Variants in CNTNAP2 observed in about 807,000 individuals in gnomAD.
CNTNAP2 encodes contactin-associated protein-like 2.
CNTNAP2 carries 98 observed loss-of-function variants against 155.2 expected under a neutral mutation model. That is an observed-to-expected ratio of 0.63 (90% CI 0.54 to 0.75). The LOEUF (loss-of-function observed/expected upper bound fraction) is 0.75. CNTNAP2 is among the 30% of genes least tolerant of loss of function. CNTNAP2 has a pLI of 0.00. For missense variants in CNTNAP2, 1,727 were observed against 1,688.1 expected (o/e 1.02, Z -0.40); for synonymous variants, 651 against 631.2 (o/e 1.03, Z -0.47).
chr7:147,125,240 C>T (rs758355480), intron 6 of CNTNAP2, among the ~76,000 whole-genome samples: 1 of 152,070 alleles, frequency 6.6e-6, no homozygotes, highest in South Asian at 2.1e-4. Flanking sequence ...TGGTCTCGAT[C>T]TCTTGGCCTC....
At chr7:146,312,620 T>C (rs1382155226) in intron 1 of CNTNAP2, among the ~76,000 whole-genome samples, 1 of 152,142 alleles carries the variant, frequency 6.6e-6, no homozygotes, top group Non-Finnish European at 1.5e-5. Context: ...AAATATACAT[T>C]ATTATTATCT....
chr7:147,388,466 A>G (rs970391577), intron 9 of CNTNAP2, among the ~76,000 whole-genome samples: 21 of 152,226 alleles, frequency 1.4e-4, no homozygotes, highest in Non-Finnish European at 3.1e-4. Context: ...TATATTGACC[A>G]AATATACAAT....
At chr7:147,932,476 A>G (rs1212901059) in intron 14 of CNTNAP2, among the ~76,000 whole-genome samples, 2 of 152,230 alleles carry the variant, frequency 1.3e-5, no homozygotes, top group Non-Finnish European at 2.9e-5. Context: ...GATTTCTTCA[A>G]TAAATAGTGT....
intron 3 of CNTNAP2, among the ~76,000 whole-genome samples, chr7:146,886,172 GT>G (rs1200931523): frequency 6.7e-6 from 1 of 148,918 alleles, no homozygotes; most frequent in Non-Finnish European, 1.5e-5. Context: ...CTGGAGGAAT[GT>G]TTTTTCATGT....
intron 1 of CNTNAP2, among the ~76,000 whole-genome samples, chr7:146,419,150 T>C (rs760216849): frequency 3.3e-5 from 5 of 152,070 alleles, no homozygotes; most frequent in Non-Finnish European, 7.4e-5. Flanking sequence ...GGCCTCACAA[T>C]CATGGTAGAA....
chr7:147,939,311 G>A (rs1800672214), intron 14 of CNTNAP2, among the ~76,000 whole-genome samples: 1 of 151,914 alleles, frequency 6.6e-6, no homozygotes, highest in Non-Finnish European at 1.5e-5. Context: ...GAACCCATTA[G>A]TGACTATTCA....
chr7:146,911,227 C>A (rs923154706), intron 3 of CNTNAP2, among the ~76,000 whole-genome samples: 13 of 152,066 alleles, frequency 8.5e-5, no homozygotes, highest in Non-Finnish European at 8.8e-5. Flanking sequence ...ACTAGTTCAA[C>A]CCTTGTGGAA....
chr7:146,975,876 G>A (rs141816242), intron 3 of CNTNAP2, among the ~76,000 whole-genome samples: 28 of 152,262 alleles, frequency 1.8e-4, no homozygotes, highest in African/African-American at 4.6e-4. Flanking sequence ...GCATGAAAAC[G>A]CTATTTTTAT....
chr7:146,156,285 C>A (rs1798124631), intron 1 of CNTNAP2, among the ~76,000 whole-genome samples: 1 of 151,878 alleles, frequency 6.6e-6, no homozygotes, highest in African/African-American at 2.4e-5. Context: ...ATGGTGAAAA[C>A]CAAAGAGAAA....
chr7:147,615,132 T>G (rs1039619543), intron 12 of CNTNAP2, among the ~76,000 whole-genome samples: 1 of 148,406 alleles, frequency 6.7e-6, no homozygotes, highest in African/African-American at 2.5e-5. Context: ...GATTTAGTAG[T>G]GCACACCTGC....
chr7:146,996,278 G>A (rs1201274453), intron 3 of CNTNAP2, among the ~76,000 whole-genome samples: 2 of 151,872 alleles, frequency 1.3e-5, no homozygotes, highest in Non-Finnish European at 2.9e-5. Flanking sequence ...CTTTGATAGG[G>A]ATCGAATTGC....
At chr7:147,535,250 G>C (rs941144268) in intron 11 of CNTNAP2, among the ~76,000 whole-genome samples, 2 of 151,972 alleles carry the variant, frequency 1.3e-5, no homozygotes, top group Non-Finnish European at 2.9e-5. Context: ...AAATTATCTG[G>C]GCCTGATGGC....
chr7:148,300,199 G>T (rs1429556308), intron 21 of CNTNAP2, among the ~76,000 whole-genome samples: 1 of 152,130 alleles, frequency 6.6e-6, no homozygotes, highest in African/African-American at 2.4e-5. Flanking sequence ...CCTTGACATT[G>T]GATTCTTAAA....
intron 9 of CNTNAP2, among the ~76,000 whole-genome samples, chr7:147,391,930 T>C (rs1342588853): frequency 6.6e-6 from 1 of 152,140 alleles, no homozygotes; most frequent in East Asian, 1.9e-4. Flanking sequence ...ATGCCTGGCT[T>C]CTTCATTTGT....
chr7:147,666,209 C>T (rs537248467), intron 13 of CNTNAP2, among the ~76,000 whole-genome samples: 10 of 152,272 alleles, frequency 6.6e-5, no homozygotes, highest in Middle Eastern at 3.4e-3. Flanking sequence ...ACATTTCCAG[C>T]GTTAGTCGGT....
intron 8 of CNTNAP2, among the ~76,000 whole-genome samples, chr7:147,259,418 A>C (rs554800218): frequency 2.6e-4 from 40 of 152,310 alleles, no homozygotes; most frequent in African/African-American, 9.4e-4. Flanking sequence ...ATAATGTATA[A>C]ATAGGAAAAA....
At position 147,530,746 on chromosome 7, in the gene CNTNAP2, C is replaced by T. The variant is rs1376127876; in HGVS notation, c.1778-31392C>T. On this transcript the variant is annotated intron_variant, in intron 11 of 23. Coordinates refer to ENST00000361727, the MANE Select transcript of CNTNAP2 (RefSeq NM_014141.6). ...CTGACTCCTCCAAATCTCATGTCCT[C>T]ACATTTCAAAACCAATCATGCCTTC... Among the ~76,000 whole-genome samples, 7 of 152,164 alleles carry T rather than the reference C, an allele frequency of 4.6e-5. No individual in the cohort carries two copies. In the South Asian group the frequency reaches 1.4e-3, roughly 32 times the overall value.
rs894173489 is a variant in CNTNAP2 at position 148,152,795 on chromosome 7, G to T, written c.2773+5086G>T. Reference sequence around the variant, plus strand: ...CAGCACTTTGGGAGGCCGAGATGGGGGGATCACGAAGTCAGGAGATCGAGA... The same window carrying T: ...CAGCACTTTGGGAGGCCGAGATGGGTGGATCACGAAGTCAGGAGATCGAGA... On this transcript the variant is annotated intron_variant, in intron 17 of 23. Transcript: ENST00000361727. Among the ~76,000 whole-genome samples, 6 of 152,064 alleles carry T rather than the reference G, an allele frequency of 3.9e-5. No homozygotes were observed. The East Asian group carries it at 5.8e-4, about 15-fold the overall frequency.
At chr7:148,322,748 C>T (rs1797815433) in intron 21 of CNTNAP2, among the ~76,000 whole-genome samples, 1 of 149,772 alleles carries the variant, frequency 6.7e-6, no homozygotes, top group Non-Finnish European at 1.5e-5. Flanking sequence ...TCTCCAAGCT[C>T]TTGCCTAAAT....
Sources: allele counts gnomAD v4.1 joint callset (sites outside exome capture counted in the v4.1 genomes callset), GRCh38; gene constraint gnomAD v4.1.1; transcripts MANE v1.5; gene names NCBI Gene and HGNC (gene_info 2026-07-23, HGNC 2026-07-21).